LY86: variants seen among roughly 807,000 people sequenced by gnomAD.
LY86 encodes MD-1, RP105-associated.
Under a neutral mutation model 17.3 loss-of-function variants are expected in LY86, and 20 were observed. The observed-to-expected ratio is 1.15, with a 90% confidence interval of 0.81 to 1.68. LY86 has a LOEUF of 1.68. LY86 is among the 40% of genes most tolerant of loss of function. The probability of loss-of-function intolerance (pLI) is 0.00; values close to 1 mark genes in which losing one functional copy is unlikely to be tolerated. For missense variants in LY86, 200 were observed against 191.9 expected (o/e 1.04, Z -0.25); for synonymous variants, 74 against 70.6 (o/e 1.05, Z -0.24).
intron 3 of LY86, among the ~76,000 whole-genome samples, chr6:6,632,846 C>A (rs537765525): frequency 3.9e-5 from 6 of 152,186 alleles, no homozygotes; most frequent in Non-Finnish European, 7.3e-5. Context: ...TGATCTGTCA[C>A]CCTAGCCCAC....
At chr6:6,608,756 G>A (rs1387582426) in intron 1 of LY86, among the ~76,000 whole-genome samples, 1 of 152,216 alleles carries the variant, frequency 6.6e-6, no homozygotes, top group Non-Finnish European at 1.5e-5. Flanking sequence ...GTTGAGCCAG[G>A]CCTTCTTTAA....
At chr6:6,613,611 T>G (rs1761463321) in intron 1 of LY86, among the ~76,000 whole-genome samples, 1 of 152,054 alleles carries the variant, frequency 6.6e-6, no homozygotes, top group South Asian at 2.1e-4. Flanking sequence ...GCCGCCCGGG[T>G]TCCCGCCTGC....
intron 1 of LY86, among the ~76,000 whole-genome samples, chr6:6,610,671 G>C (rs1761309528): frequency 6.6e-6 from 1 of 152,158 alleles, no homozygotes; most frequent in South Asian, 2.1e-4. Flanking sequence ...CAAAGCGAGG[G>C]AGGGCTGGGG....
intron 4 of LY86, among the ~76,000 whole-genome samples, chr6:6,654,094 C>T (rs1457858052): frequency 6.6e-6 from 1 of 151,952 alleles, no homozygotes; most frequent in Non-Finnish European, 1.5e-5. Flanking sequence ...CCCCCCCCAT[C>T]CCCCCACTCC....
At chr6:6,589,163 G>A (rs1477416416) in intron 1 of LY86, among the ~76,000 whole-genome samples, 1 of 152,168 alleles carries the variant, frequency 6.6e-6, no homozygotes, top group Admixed American at 6.5e-5. Flanking sequence ...AGAACAAAAT[G>A]ATCAGTGAGT....
In LY86 at chr6:6,588,739, A is replaced by AG. The variant is rs1760429403; in HGVS notation, c.8dup (p.Thr5HisfsTer30). The AG allele has an allele frequency of 4.3e-6, 7 of 1,614,022 alleles. No individual in the cohort carries two copies. Among genetic ancestry groups the AG allele is most frequent in the Non-Finnish European group, 5.9e-6 (7 of 1,179,948 alleles). On this transcript the variant is annotated frameshift_variant, in exon 1 of 5. Coordinates refer to ENST00000230568, the MANE Select transcript of LY86 (RefSeq NM_004271.4). LOFTEE classifies it high-confidence loss of function. ...TGTCCCATACAGGCCCCCACCATGA[A>AG]GGGTTTCACAGCCACTCTCTTCCTC... is the stretch of plus-strand genomic sequence containing the variant.
At chr6:6,618,861 G>A (rs938431693) in intron 1 of LY86, among the ~76,000 whole-genome samples, 2 of 152,116 alleles carry the variant, frequency 1.3e-5, no homozygotes, top group African/African-American at 4.8e-5. Flanking sequence ...AAGAGATCAG[G>A]ACATAATAGA....
At chr6:6,601,340 G>GA (rs1340765919) in intron 1 of LY86, among the ~76,000 whole-genome samples, 1 of 151,944 alleles carries the variant, frequency 6.6e-6, no homozygotes, top group Admixed American at 6.6e-5. Context: ...CCAGAAGATG[G>GA]AAAGTGAGGG....
chr6:6,617,335 C>T (rs1319228743), intron 1 of LY86, among the ~76,000 whole-genome samples: 1 of 152,144 alleles, frequency 6.6e-6, no homozygotes, highest in African/African-American at 2.4e-5. Flanking sequence ...AGAAGAGTGA[C>T]ACTGTTATTA....
intron 3 of LY86, among the ~76,000 whole-genome samples, chr6:6,638,375 A>G (rs1216973530): frequency 6.6e-6 from 1 of 152,220 alleles, no homozygotes; most frequent in African/African-American, 2.4e-5. Context: ...AGAAAGTTTT[A>G]TGTCGCATAT....
rs185732402 is a variant in LY86, at chr6:6,654,585, G to T, written c.447G>T (p.Arg149=). The change falls in exon 5 of 5, where the codon CGG becomes CGT. Residue 149 remains arginine (R), a synonymous_variant. Transcript: ENST00000230568. ...TGCTGGAACTGTACACTGAAAAACG[G>T]TCCACCGTGGCCTGTGCCAATGCTA... ...QVLLELYTEK[R]STVACANATI... is the part of the protein sequence containing the mutation. 6.2e-7 allele frequency: 1 copy of T among 1,614,064 alleles called. No homozygotes were observed. The highest frequency in any genetic ancestry group is 1.1e-5 in the South Asian group (1 of 91,084).
chr6:6,635,774 C>G (rs1347293733), intron 3 of LY86, among the ~76,000 whole-genome samples: 2 of 152,212 alleles, frequency 1.3e-5, no homozygotes, highest in Non-Finnish European at 2.9e-5. Flanking sequence ...TGTGCCTTGG[C>G]TCCTCTTCTC....
intron 1 of LY86, among the ~76,000 whole-genome samples, chr6:6,610,004 C>T (rs1474141296): frequency 2.0e-5 from 3 of 152,136 alleles, no homozygotes; most frequent in Admixed American, 6.5e-5. Flanking sequence ...TCAGGCTGGT[C>T]GTGAACTCCT....
chr6:6,609,302 G>A (rs1221711286), intron 1 of LY86, among the ~76,000 whole-genome samples: 1 of 152,208 alleles, frequency 6.6e-6, no homozygotes, highest in Admixed American at 6.5e-5. Context: ...TGACATAAGA[G>A]ATGCAGAAAG....
chr6:6,632,162 T>C (rs1761906780), intron 3 of LY86, among the ~76,000 whole-genome samples: 1 of 152,212 alleles, frequency 6.6e-6, no homozygotes, highest in African/African-American at 2.4e-5. Context: ...CTCTGCTTTA[T>C]AAGACCTGTG....
chr6:6,639,547 T>C (rs1352403072), intron 3 of LY86, among the ~76,000 whole-genome samples: 2 of 152,144 alleles, frequency 1.3e-5, no homozygotes, highest in Non-Finnish European at 2.9e-5. Flanking sequence ...AAAGCCGGCT[T>C]TCTCGCCTTT....
At chr6:6,638,904 C>T (rs536243237) in intron 3 of LY86, among the ~76,000 whole-genome samples, 10 of 147,702 alleles carry the variant, frequency 6.8e-5, no homozygotes, top group East Asian at 4.0e-4. Context: ...TGAGAACATG[C>T]GCCCAGCCAT....
rs57233850 is a variant in LY86 at position 6,647,968 on chromosome 6, T to TACACACAC, written c.353-1620_353-1613dup. On this transcript the variant is annotated intron_variant, in intron 3 of 4. Transcript: ENST00000230568. Reference sequence around the variant, plus strand: ...GAAATAGAGCTCTTCAATCATCACATACACACACACACACACACACACACA... The same window carrying TACACACAC: ...GAAATAGAGCTCTTCAATCATCACATACACACACACACACACACACACACACACACACA... Among the ~76,000 whole-genome samples, 121 of 144,796 alleles carry TACACACAC rather than the reference T, an allele frequency of 8.4e-4. 1 individual carries two copies. The highest frequency in any genetic ancestry group is 6.1e-3 in the East Asian group (29 of 4,762). The allele number at this position is 144,796 out of a possible 152,430, so 95.0% of individuals were successfully genotyped here.
rs148044623 is a variant in LY86, at chr6:6,636,670, G to C, written c.352+10249G>C. On this transcript the variant is annotated intron_variant, in intron 3 of 4. Coordinates refer to ENST00000230568, the MANE Select transcript of LY86 (RefSeq NM_004271.4). ...TCCCTGGCCCTCTTGTCCCTGTGGGGAGAGAGTGTCATTTGCATCTCTCAT... is the reference window on the plus strand; with the variant it reads ...TCCCTGGCCCTCTTGTCCCTGTGGGCAGAGAGTGTCATTTGCATCTCTCAT... Among the ~76,000 whole-genome samples, 462 of 152,284 alleles carry C rather than the reference G, an allele frequency of 3.0e-3. 1 individual carries two copies. Among genetic ancestry groups the C allele is most frequent in the African/African-American group, 0.011 (441 of 41,570 alleles).
Sources: gnomAD v4.1 joint callset for allele counts (sites outside exome capture counted in the v4.1 genomes callset) on GRCh38, gnomAD v4.1.1 for gene constraint, MANE v1.5 for transcripts, NCBI Gene and HGNC (gene_info 2026-07-23, HGNC 2026-07-21) for gene names.